KHDRBS2: variants seen among roughly 807,000 people sequenced by gnomAD.
KHDRBS2 encodes KH domain-containing, RNA-binding, signal transduction-associated protein 2.
Under a neutral mutation model 44.3 loss-of-function variants are expected in KHDRBS2, and 26 were observed. The observed-to-expected ratio is 0.59, with a 90% CI of 0.43 to 0.81. KHDRBS2 has a LOEUF of 0.81. Among genes scored for constraint, KHDRBS2 ranks in the 40% least tolerant of loss-of-function variants. The pLI is 0.00. For synonymous variants in KHDRBS2, 194 were observed against 151.1 expected (o/e 1.28, Z -2.08); for missense variants, 476 against 433.1 (o/e 1.10, Z -0.88).
At chr6:61,585,791 C>T in the KHDRBS2 span, among the ~76,000 whole-genome samples, 3 of 152,048 alleles carry the variant, frequency 2.0e-5, no homozygotes, top group Admixed American at 6.6e-5. Context: ...CAGGTTGATA[C>T]CAAGGGCTCA....
At chr6:61,818,438 G>T (rs1310429346) in intron 6 of KHDRBS2, among the ~76,000 whole-genome samples, 2 of 151,804 alleles carry the variant, frequency 1.3e-5, no homozygotes, top group African/African-American at 4.8e-5. Context: ...TAAAAAATTG[G>T]GAGTGTTAAT....
chr6:61,587,258 C>T, the KHDRBS2 span, among the ~76,000 whole-genome samples: 145 of 152,212 alleles, frequency 9.5e-4, 1 homozygote, highest in Middle Eastern at 3.4e-3. Context: ...TACTAGCATG[C>T]GTATGAATTG....
chr6:61,793,768 T>C (rs1026299399), intron 6 of KHDRBS2, among the ~76,000 whole-genome samples: 1 of 152,122 alleles, frequency 6.6e-6, no homozygotes, highest in Non-Finnish European at 1.5e-5. Flanking sequence ...CAAACACTTA[T>C]TTTTGTAATG....
intron 2 of KHDRBS2, among the ~76,000 whole-genome samples, chr6:62,075,868 G>C (rs547959967): frequency 1.3e-5 from 2 of 149,394 alleles, no homozygotes; most frequent in South Asian, 4.3e-4. Context: ...TACCCTGCTG[G>C]TGGCCTGGCA....
chr6:61,754,703 T>G (rs1019305095), intron 6 of KHDRBS2, among the ~76,000 whole-genome samples: 1 of 151,958 alleles, frequency 6.6e-6, no homozygotes, highest in Admixed American at 6.6e-5. Context: ...ACTTACTTCC[T>G]GTGGACTGGA....
chr6:61,802,306 T>C (rs1418336698), intron 6 of KHDRBS2, among the ~76,000 whole-genome samples: 1 of 152,130 alleles, frequency 6.6e-6, no homozygotes, highest in Non-Finnish European at 1.5e-5. Context: ...AAGTCAATAT[T>C]ATTTTGATCT....
intron 1 of KHDRBS2, among the ~76,000 whole-genome samples, chr6:62,218,888 C>T (rs1343193935): frequency 6.6e-6 from 1 of 151,714 alleles, no homozygotes; most frequent in Non-Finnish European, 1.5e-5. Context: ...GAATTGGATG[C>T]CATTATCTTA....
At chr6:62,239,618 T>C (rs1834262456) in intron 1 of KHDRBS2, among the ~76,000 whole-genome samples, 1 of 151,888 alleles carries the variant, frequency 6.6e-6, no homozygotes. Flanking sequence ...AAGTGTGCTT[T>C]TGGGGGGAAA....
the KHDRBS2 span, among the ~76,000 whole-genome samples, chr6:61,634,294 T>C: frequency 1.3e-5 from 2 of 151,928 alleles, no homozygotes; most frequent in African/African-American, 2.4e-5. Flanking sequence ...GAAATGGCTT[T>C]TGGGACCCTT....
chr6:62,030,161 G>A (rs1488751626), intron 3 of KHDRBS2, among the ~76,000 whole-genome samples: 2 of 152,044 alleles, frequency 1.3e-5, no homozygotes, highest in Non-Finnish European at 2.9e-5. Flanking sequence ...CATCAGATGT[G>A]AGGGAGGAGA....
At chr6:61,919,831 G>T (rs551055140) in intron 4 of KHDRBS2, among the ~76,000 whole-genome samples, 17 of 151,860 alleles carry the variant, frequency 1.1e-4, no homozygotes, top group African/African-American at 4.1e-4. Context: ...CTGTCTTTTT[G>T]GGAAGATGTA....
chr6:61,975,345 G>A (rs1772358192), intron 4 of KHDRBS2, among the ~76,000 whole-genome samples: 1 of 152,070 alleles, frequency 6.6e-6, no homozygotes, highest in East Asian at 1.9e-4. Flanking sequence ...TTACTGCCTA[G>A]AATTCTTCAT....
chr6:61,542,918 G>A, the KHDRBS2 span, among the ~76,000 whole-genome samples: 1 of 152,062 alleles, frequency 6.6e-6, no homozygotes, highest in Non-Finnish European at 1.5e-5. Context: ...TCTCAGGTAC[G>A]TAAAAGTATG....
chr6:62,282,087 CTAA>C (rs1212121500), intron 1 of KHDRBS2, among the ~76,000 whole-genome samples: 1 of 152,078 alleles, frequency 6.6e-6, no homozygotes, highest in Non-Finnish European at 1.5e-5. Context: ...AGACATGACA[CTAA>C]TAACTTTCCT....
intron 2 of KHDRBS2, among the ~76,000 whole-genome samples, chr6:62,132,968 C>A (rs951660357): frequency 2.6e-5 from 4 of 152,116 alleles, no homozygotes; most frequent in African/African-American, 9.7e-5. Flanking sequence ...CCATAAAGGG[C>A]CACATAGTAA....
the KHDRBS2 span, among the ~76,000 whole-genome samples, chr6:61,576,753 G>A: frequency 1.6e-4 from 24 of 152,020 alleles, no homozygotes; most frequent in African/African-American, 5.3e-4. Context: ...TTTACATCAC[G>A]ATAGGGAACA....
chr6:61,781,077 C>T (rs1338382491), intron 6 of KHDRBS2, among the ~76,000 whole-genome samples: 1 of 152,158 alleles, frequency 6.6e-6, no homozygotes, highest in African/African-American at 2.4e-5. Context: ...ACATCCCAAA[C>T]ATATTTTCTA....
chr6:61,937,979 G>T (rs1376287401), intron 4 of KHDRBS2, among the ~76,000 whole-genome samples: 2 of 151,956 alleles, frequency 1.3e-5, no homozygotes, highest in African/African-American at 4.8e-5. Context: ...AATAGGAGTT[G>T]TTTCTTAGGT....
chr6:61,712,086 A>AT (rs1319580477), intron 7 of KHDRBS2, among the ~76,000 whole-genome samples: 1 of 151,770 alleles, frequency 6.6e-6, no homozygotes, highest in African/African-American at 2.4e-5. Context: ...AATCAGGCAC[A>AT]TGGGGGAGCT....
Sources: allele counts gnomAD v4.1 joint callset (sites outside exome capture counted in the v4.1 genomes callset), GRCh38; gene constraint gnomAD v4.1.1; transcripts MANE v1.5; gene names NCBI Gene and HGNC (gene_info 2026-07-23, HGNC 2026-07-21).